The following GYS2 variants were observed in gnomAD, a reference collection of about 807,000 sequenced individuals.
GYS2 encodes glycogen synthase 2, also known as glycogen [starch] synthase, liver.
In GYS2, 80 loss-of-function variants were observed where a neutral mutation model predicts 85.6. The observed-to-expected ratio is 0.93, with a 90% CI of 0.78 to 1.13. GYS2 has a LOEUF of 1.13. GYS2 is among the 50% of genes most tolerant of loss of function. The pLI is 0.00. For missense variants in GYS2, 881 were observed against 854.9 expected (o/e 1.03, Z -0.38); for synonymous variants, 328 against 300.7 (o/e 1.09, Z -0.94).
At chr12:21,598,520 T>C (rs1944720587) in intron 1 of GYS2, among the ~76,000 whole-genome samples, 1 of 152,126 alleles carries the variant, frequency 6.6e-6, no homozygotes, top group African/African-American at 2.4e-5. Context: ...TTACTGTTTA[T>C]ATAGCACACT....
chr12:21,537,274 CTA>C, intron 15 of GYS2, 99 bp from the exon 16 acceptor site: 1 of 837,564 alleles, frequency 1.2e-6, no homozygotes, highest in Non-Finnish European at 2.0e-6. Flanking sequence ...AAGTAGTTAT[CTA>C]TCTTTTGTAG....
rs961859806 is a variant in GYS2, at chr12:21,604,728, T to A, written c.-136A>T. 2.0e-6 allele frequency: 3 copies of A among 1,507,416 alleles called. No individual in the cohort carries two copies. The highest frequency in any genetic ancestry group is 2.7e-6 in the Non-Finnish European group (3 of 1,123,052). The allele number at this position is 1,507,416 out of a possible 1,614,324, so 93.4% of individuals were successfully genotyped here. ...TTGGTAGCTTCTCTTGGGAATAAAC[T>A]AGTAGCATGAAATCTTATGTGCTTC... On this transcript the variant is annotated 5_prime_UTR_variant, in exon 1 of 16. Transcript: ENST00000261195.
At chr12:21,574,565 A>C (rs1270279903) in intron 3 of GYS2, among the ~76,000 whole-genome samples, 1 of 152,146 alleles carries the variant, frequency 6.6e-6, no homozygotes, top group Non-Finnish European at 1.5e-5. Flanking sequence ...TTTTATATCC[A>C]CAGAAGAATA....
chr12:21,565,390 AATATATATATATATATATATAT>A (rs55790137), intron 5 of GYS2, among the ~76,000 whole-genome samples: 4,310 of 73,698 alleles, frequency 0.058, 206 homozygotes, highest in Middle Eastern at 0.11. Flanking sequence ...CCATCCATGA[AATATATATATATATATATATAT>A]ATATATATAT....
chr12:21,552,915 C>T (rs1369924530), intron 11 of GYS2, among the ~76,000 whole-genome samples: 1 of 152,192 alleles, frequency 6.6e-6, no homozygotes, highest in Non-Finnish European at 1.5e-5. Flanking sequence ...GCTTTCTTCA[C>T]CTCTCACCAA....
At chr12:21,557,819 G>A (rs10770830) in intron 11 of GYS2, among the ~76,000 whole-genome samples, 109,783 of 151,642 alleles carry the variant, frequency 0.72, 40,277 homozygotes, top group South Asian at 0.8. Flanking sequence ...GAATGGTGTG[G>A]ACCCGGGAGG....
downstream of GYS2, chr12:21,532,680 T>C (rs1011487480): frequency 6.6e-6 from 1 of 152,206 alleles, no homozygotes; most frequent in African/African-American, 2.4e-5. Context: ...CATTAAAAAT[T>C]ATTTACCCAT....
chr12:21,582,480 C>T (rs7974658), intron 1 of GYS2, among the ~76,000 whole-genome samples: 63,104 of 151,962 alleles, frequency 0.42, 13,709 homozygotes, highest in Middle Eastern at 0.53. Flanking sequence ...GGGACTCCGA[C>T]TAGCTTCCTT....
intron 4 of GYS2, 23 bp downstream of exon 4, chr12:21,574,121 G>C (rs752621903): frequency 1.2e-5 from 19 of 1,557,594 alleles, no homozygotes; most frequent in Non-Finnish European, 1.7e-5. Flanking sequence ...GTGAGTAAGA[G>C]GGAGGGAGGA....
At chr12:21,557,683 A>G (rs2136870800) in intron 11 of GYS2, among the ~76,000 whole-genome samples, 1 of 152,224 alleles carries the variant, frequency 6.6e-6, no homozygotes, top group South Asian at 2.1e-4. Flanking sequence ...GTGGATCACG[A>G]GGTCAGGAGA....
At chr12:21,571,786 A>G in intron 4 of GYS2, among the ~76,000 whole-genome samples, 1 of 151,468 alleles carries the variant, frequency 6.6e-6, no homozygotes. Flanking sequence ...TATGGTGAAA[A>G]CTCGTCTCTA....
At chr12:21,544,222 G>A (rs1213606531) in intron 12 of GYS2, among the ~76,000 whole-genome samples, 1 of 152,102 alleles carries the variant, frequency 6.6e-6, no homozygotes, top group African/African-American at 2.4e-5. Context: ...TATAGGTTAG[G>A]GGAAGAGTGA....
intron 6 of GYS2, 81 bp downstream of exon 6, chr12:21,563,147 A>C: frequency 8.5e-7 from 1 of 1,174,834 alleles, no homozygotes; most frequent in Non-Finnish European, 1.3e-6. Flanking sequence ...ATAAACATTT[A>C]TTATTACAAT....
intron 1 of GYS2, among the ~76,000 whole-genome samples, chr12:21,588,456 AC>A (rs1252039135): frequency 6.6e-6 from 1 of 152,266 alleles, no homozygotes; most frequent in Non-Finnish European, 1.5e-5. Context: ...ATTATATGGT[AC>A]CAATAGGATT....
At chr12:21,603,355 G>A (rs911151313) in intron 1 of GYS2, among the ~76,000 whole-genome samples, 1 of 152,016 alleles carries the variant, frequency 6.6e-6, no homozygotes, top group African/African-American at 2.4e-5. Flanking sequence ...TTGATTTTAT[G>A]AATGCATACA....
chr12:21,593,177 T>C (rs1398782057), intron 1 of GYS2, among the ~76,000 whole-genome samples: 4 of 151,542 alleles, frequency 2.6e-5, no homozygotes, highest in East Asian at 1.9e-4. Flanking sequence ...ATTAAAAACA[T>C]AGAAAGATTT....
At chr12:21,559,419 G>A (rs1039256575) in intron 9 of GYS2, among the ~76,000 whole-genome samples, 1 of 152,056 alleles carries the variant, frequency 6.6e-6, no homozygotes, top group Non-Finnish European at 1.5e-5. Context: ...CCCTTAATGA[G>A]TTCATCATTG....
chr12:21,541,267 C>A (rs1238219384), intron 13 of GYS2, among the ~76,000 whole-genome samples: 1 of 3,002 alleles, frequency 3.3e-4, no homozygotes, highest in Admixed American at 5.7e-3. Flanking sequence ...GACCATGTTT[C>A]CAAAAAAAAA....
rs1477407912 is a variant in GYS2, at chr12:21,580,372, T to G, written c.273A>C (p.Ala91=). The change falls in exon 2 of 16, where the codon GCA becomes GCC. Residue 91 remains alanine (A), a synonymous_variant. Coordinates refer to ENST00000261195, the MANE Select transcript of GYS2 (RefSeq NM_021957.4). Reference sequence around the variant, plus strand: ...AGCCATGCTTATTCATTGCGTCCACTGCTCTTCTGACAGCATCATTTACAG... The same window carrying G: ...AGCCATGCTTATTCATTGCGTCCACGGCTCTTCTGACAGCATCATTTACAG... ...CEPVNDAVRR[A]VDAMNKHGCQ... 1.1e-5 allele frequency: 17 copies of G among 1,613,826 alleles called. No homozygotes were observed. Among genetic ancestry groups the G allele is most frequent in the Middle Eastern group, 1.6e-4 (1 of 6,084 alleles).
Sources: gnomAD v4.1 joint callset for allele counts (sites outside exome capture counted in the v4.1 genomes callset) on GRCh38, gnomAD v4.1.1 for gene constraint, MANE v1.5 for transcripts, NCBI Gene and HGNC (gene_info 2026-07-23, HGNC 2026-07-21) for gene names.